LRIG1: variants seen among roughly 807,000 people sequenced by gnomAD.
LRIG1 encodes leucine rich repeats and immunoglobulin like domains 1, also known as leucine-rich repeats and immunoglobulin-like domains protein 1.
Under a neutral mutation model 99.2 loss-of-function variants are expected in LRIG1, and 48 were observed. The ratio of observed to expected loss-of-function variants is 0.48; its 90% confidence interval spans 0.38 to 0.62. The LOEUF is 0.62. LRIG1 is among the 20% of genes least tolerant of loss of function. The pLI, the probability that LRIG1 is intolerant of heterozygous loss-of-function variation, is 0.00. For synonymous variants in LRIG1, 772 were observed against 596.1 expected, an observed-to-expected ratio of 1.29 and a Z score of -4.30; for missense variants, 1,646 against 1,434.4, an observed-to-expected ratio of 1.15 and a Z score of -2.38.
At chr3:66,461,018 A>T (rs541777575) in intron 2 of LRIG1, among the ~76,000 whole-genome samples, 1 of 152,258 alleles carries the variant, frequency 6.6e-6, no homozygotes, top group Admixed American at 6.5e-5. Flanking sequence ...GAATCAAAGA[A>T]TAACAAGTAA....
chr3:66,415,530 A>C (rs1181796634), intron 4 of LRIG1, among the ~76,000 whole-genome samples: 2 of 152,230 alleles, frequency 1.3e-5, no homozygotes, highest in Non-Finnish European at 2.9e-5. Context: ...GGGTCTTGCT[A>C]TATGAACTAC....
intron 3 of LRIG1, among the ~76,000 whole-genome samples, chr3:66,430,059 G>A (rs891692761): frequency 1.6e-4 from 25 of 152,130 alleles, no homozygotes; most frequent in African/African-American, 6.0e-4. Context: ...GAACTTAAAA[G>A]GTACTCAATC....
intron 3 of LRIG1, among the ~76,000 whole-genome samples, chr3:66,427,370 T>A (rs1379676066): frequency 6.6e-6 from 1 of 152,274 alleles, no homozygotes; most frequent in Admixed American, 6.5e-5. Flanking sequence ...GACCCTCATA[T>A]TACTGACGGA....
At chr3:66,432,833 A>G (rs188916758) in intron 3 of LRIG1, among the ~76,000 whole-genome samples, 317 of 152,238 alleles carry the variant, frequency 2.1e-3, no homozygotes, top group Non-Finnish European at 3.5e-3. Flanking sequence ...CTGGGGCCAC[A>G]CCATGTGACT....
chr3:66,490,502 G>A (rs1024578929), intron 1 of LRIG1, among the ~76,000 whole-genome samples: 8 of 152,090 alleles, frequency 5.3e-5, no homozygotes, highest in African/African-American at 1.7e-4. Context: ...AAAATAAAAC[G>A]AAAACTAAGA....
intron 5 of LRIG1, among the ~76,000 whole-genome samples, chr3:66,413,864 G>A (rs1026059620): frequency 3.3e-5 from 5 of 152,080 alleles, no homozygotes; most frequent in East Asian, 3.9e-4. Context: ...ACACCCCGTC[G>A]TGCCGCCAAC....
rs1702293647 is a variant in LRIG1, at chr3:66,407,049, C to T, written c.1079+299G>A. On this transcript the variant is annotated intron_variant, in intron 8 of 18. Transcript: ENST00000273261. ...CAGCGTGGGGAAGCTTTTTCCAACA[C>T]TAGGAGCCAGCATCCTGTCCAGCAC... is the stretch of plus-strand genomic sequence containing the variant. 2.0e-5 allele frequency among the ~76,000 whole-genome samples: 3 copies of T among 152,310 alleles called. No homozygotes were observed. In the South Asian group the frequency reaches 6.2e-4, roughly 32 times the overall value.
chr3:66,380,919 C>A, intron 17 of LRIG1, 58 bp from the exon 18 acceptor site: 2 of 1,564,702 alleles, frequency 1.3e-6, no homozygotes, highest in East Asian at 2.2e-5. Flanking sequence ...TTCGTCCCCA[C>A]ACAGAGGACA....
chr3:66,456,685 C>T (rs372626039), intron 2 of LRIG1, among the ~76,000 whole-genome samples: 11 of 152,170 alleles, frequency 7.2e-5, no homozygotes, highest in African/African-American at 2.4e-4. Flanking sequence ...CCCCCGCACC[C>T]CTGCTCACAC....
At chr3:66,432,678 C>G (rs1312849112) in intron 3 of LRIG1, among the ~76,000 whole-genome samples, 75 of 152,250 alleles carry the variant, frequency 4.9e-4, no homozygotes, top group Non-Finnish European at 5.9e-5. Context: ...GAACAGGAAT[C>G]CATATCCCAC....
intron 1 of LRIG1, among the ~76,000 whole-genome samples, chr3:66,463,758 T>C (rs940993768): frequency 6.6e-6 from 1 of 152,216 alleles, no homozygotes; most frequent in Non-Finnish European, 1.5e-5. Context: ...TCTCAGAAAG[T>C]GTCACGTATT....
Position 66,429,878 on chromosome 3 carries a change from A to G in LRIG1, c.366-12612T>C, listed in dbSNP as rs553015702. Among the ~76,000 whole-genome samples, 3 of 152,130 alleles carry G rather than the reference A, an allele frequency of 2.0e-5. No homozygotes were observed. The South Asian group carries it at 6.2e-4, about 32-fold the overall frequency. On this transcript the variant is annotated intron_variant, in intron 3 of 18. Transcript: ENST00000273261. ...CGTACTTTCCACTCCATTTCTGTAA[A>G]CTTACAACTGCTATAAAAGTCCATT...
At chr3:66,385,089 G>A (rs1212975208) in intron 13 of LRIG1, among the ~76,000 whole-genome samples, 1 of 152,148 alleles carries the variant, frequency 6.6e-6, no homozygotes, top group Non-Finnish European at 1.5e-5. Context: ...TTAGTAATCA[G>A]GATAACCCCA....
Position 66,394,057 on chromosome 3 carries a change from G to C in LRIG1, c.1451C>G (p.Pro484Arg). The change falls in exon 12 of 19, where the codon CCA (proline) becomes CGA (arginine). Residue 484 changes from proline to arginine, a missense_variant. Transcript: ENST00000273261. Reference sequence around the variant, plus strand: ...AGTCTTACCGCACACGAAACTCTCTGGTGGCACAGAGAAAATGCTCTGACC... The same window carrying C: ...AGTCTTACCGCACACGAAACTCTCTCGTGGCACAGAGAAAATGCTCTGACC... Reference protein sequence around the residue: ...LKGQSIFSVPPESFVCDDFLK... With the variant: ...LKGQSIFSVPRESFVCDDFLK... 6.2e-7 allele frequency: 1 copy of C among 1,614,100 alleles called. No individual in the cohort carries two copies. Among genetic ancestry groups the C allele is most frequent in the Non-Finnish European group, 8.5e-7 (1 of 1,180,004 alleles).
chr3:66,402,971 A>G (rs1187345450), intron 9 of LRIG1, among the ~76,000 whole-genome samples: 1 of 152,178 alleles, frequency 6.6e-6, no homozygotes, highest in East Asian at 1.9e-4. Context: ...CACCTGTGAT[A>G]GGCCAAACAC....
chr3:66,404,293 T>G (rs1243688259), intron 9 of LRIG1: 1 of 1,289,360 alleles, frequency 7.8e-7, no homozygotes, highest in Non-Finnish European at 1.0e-6. Context: ...TACTTGACAC[T>G]CGCACTCTGC....
chr3:66,439,033 T>C (rs920706674), intron 3 of LRIG1, among the ~76,000 whole-genome samples: 5 of 152,214 alleles, frequency 3.3e-5, no homozygotes, highest in Admixed American at 2.6e-4. Context: ...ATAGTTGCTA[T>C]AGCATCACCA....
chr3:66,400,844 A>C (rs751250698), intron 9 of LRIG1, among the ~76,000 whole-genome samples: 1 of 152,078 alleles, frequency 6.6e-6, no homozygotes, highest in African/African-American at 2.4e-5. Context: ...CCTCCTGGGA[A>C]CCGCTTGGGC....
At chr3:66,418,467 G>A (rs533349076) in intron 3 of LRIG1, among the ~76,000 whole-genome samples, 13 of 152,220 alleles carry the variant, frequency 8.5e-5, no homozygotes, top group Non-Finnish European at 1.3e-4. Flanking sequence ...AGAGAAAGAC[G>A]AATGCTAGCC....
Sources: gnomAD v4.1 joint callset for allele counts (sites outside exome capture counted in the v4.1 genomes callset) on GRCh38, gnomAD v4.1.1 for gene constraint, MANE v1.5 for transcripts, NCBI Gene and HGNC (gene_info 2026-07-23, HGNC 2026-07-21) for gene names.